Variants in RBFOX1 observed in about 807,000 individuals in gnomAD.
The protein encoded by RBFOX1 is RNA binding protein fox-1 homolog 1.
Under a neutral mutation model 57.7 loss-of-function variants are expected in RBFOX1, and 8 were observed. The observed-to-expected ratio is 0.14, with a 90% CI of 0.08 to 0.25. The LOEUF (loss-of-function observed/expected upper bound fraction) is 0.25. Ranked by LOEUF, RBFOX1 falls within the 10% of genes least tolerant of loss-of-function variation. The pLI is 1.00. For synonymous variants in RBFOX1, 326 were observed against 222.4 expected (o/e 1.47, Z -4.15); for missense variants, 611 against 548.5 (o/e 1.11, Z -1.14).
intron 3 of RBFOX1, among the ~76,000 whole-genome samples, chr16:6,831,039 C>T (rs969422138): frequency 1.3e-5 from 2 of 152,198 alleles, no homozygotes; most frequent in Admixed American, 6.5e-5. Context: ...CAATTGATCT[C>T]ACTCTTTTTG....
chr16:7,559,100 C>T (rs2089626539), intron 5 of RBFOX1, among the ~76,000 whole-genome samples: 1 of 152,140 alleles, frequency 6.6e-6, no homozygotes, highest in Non-Finnish European at 1.5e-5. Flanking sequence ...GGTTCAGAGG[C>T]CTTTCCTGAA....
At chr16:6,136,712 A>G (rs2096670010) in intron 1 of RBFOX1, among the ~76,000 whole-genome samples, 2 of 152,218 alleles carry the variant, frequency 1.3e-5, no homozygotes, top group African/African-American at 4.8e-5. Context: ...ATTTCTCTTC[A>G]AAATTCTTCT....
intron 3 of RBFOX1, among the ~76,000 whole-genome samples, chr16:6,843,036 G>A (rs1418387782): frequency 6.6e-6 from 1 of 152,142 alleles, no homozygotes; most frequent in African/African-American, 2.4e-5. Context: ...ATTCCATGGT[G>A]TGTATGTGCC....
chr16:6,286,342 A>T (rs1246217019), intron 1 of RBFOX1, among the ~76,000 whole-genome samples: 1 of 150,494 alleles, frequency 6.6e-6, no homozygotes, highest in East Asian at 1.9e-4. Flanking sequence ...GAGTTCAGAA[A>T]TCTTGACTCA....
chr16:6,568,831 C>T (rs571863624), intron 2 of RBFOX1, among the ~76,000 whole-genome samples: 2 of 152,046 alleles, frequency 1.3e-5, no homozygotes, highest in African/African-American at 2.4e-5. Flanking sequence ...TGCAGTGGCG[C>T]GATCTCGGCT....
chr16:5,808,861 G>A (rs1376513044), intron 3 of RBFOX1, among the ~76,000 whole-genome samples: 1 of 152,158 alleles, frequency 6.6e-6, no homozygotes, highest in Non-Finnish European at 1.5e-5. Context: ...CATGTCATGT[G>A]CAAACAGGGA....
intron 1 of RBFOX1, among the ~76,000 whole-genome samples, chr16:5,362,552 G>A (rs989721126): frequency 3.9e-5 from 6 of 152,090 alleles, no homozygotes; most frequent in Non-Finnish European, 8.8e-5. Flanking sequence ...AGTAGAGACG[G>A]GGTTTCTCCA....
intron 3 of RBFOX1, among the ~76,000 whole-genome samples, chr16:5,636,555 T>A (rs1277168714): frequency 6.6e-6 from 1 of 151,964 alleles, no homozygotes; most frequent in Non-Finnish European, 1.5e-5. Flanking sequence ...AGGGTTGTCA[T>A]GTTTTTCTGA....
chr16:5,856,080 T>G (rs2057021959), intron 3 of RBFOX1, among the ~76,000 whole-genome samples: 3 of 144,496 alleles, frequency 2.1e-5, no homozygotes, highest in Non-Finnish European at 4.5e-5. Context: ...TTTTTGTATG[T>G]GGATTTTGTA....
intron 2 of RBFOX1, among the ~76,000 whole-genome samples, chr16:6,463,398 T>C (rs1325749901): frequency 6.6e-6 from 1 of 152,186 alleles, no homozygotes; most frequent in Non-Finnish European, 1.5e-5. Flanking sequence ...TAATATATTT[T>C]AGCCTTGGCA....
At chr16:5,416,767 A>G (rs1410203436) in intron 1 of RBFOX1, among the ~76,000 whole-genome samples, 1 of 151,250 alleles carries the variant, frequency 6.6e-6, no homozygotes, top group Non-Finnish European at 1.5e-5. Context: ...CCCTTGTCTC[A>G]TTCATGCAGA....
intron 15 of RBFOX1, chr16:7,710,043 C>A: frequency 2.0e-6 from 2 of 1,003,020 alleles, no homozygotes; most frequent in Non-Finnish European, 2.4e-6. Flanking sequence ...GGACAGTTCA[C>A]TGAAGCTCAG....
At chr16:5,872,131 C>G (rs1333597501) in intron 4 of RBFOX1, among the ~76,000 whole-genome samples, 2 of 152,168 alleles carry the variant, frequency 1.3e-5, no homozygotes, top group South Asian at 2.1e-4. Context: ...CTAAAAGACA[C>G]CAGTGCGTTT....
At chr16:6,962,435 C>G (rs531451891) in intron 3 of RBFOX1, among the ~76,000 whole-genome samples, 3 of 152,144 alleles carry the variant, frequency 2.0e-5, no homozygotes, top group Admixed American at 1.3e-4. Flanking sequence ...GCAACTTTTT[C>G]TGTTACATAT....
At chr16:5,272,684 A>G (rs908296333) in intron 1 of RBFOX1, among the ~76,000 whole-genome samples, 1 of 152,190 alleles carries the variant, frequency 6.6e-6, no homozygotes, top group African/African-American at 2.4e-5. Context: ...GGCCATGGAA[A>G]GGTTCCCATG....
intron 3 of RBFOX1, among the ~76,000 whole-genome samples, chr16:6,788,319 C>T (rs891066815): frequency 6.6e-6 from 1 of 152,062 alleles, no homozygotes; most frequent in Admixed American, 6.6e-5. Flanking sequence ...CCAGCATCTG[C>T]AGAGTATTTT....
At chr16:7,685,013 C>T (rs961753221) in intron 14 of RBFOX1, among the ~76,000 whole-genome samples, 3 of 152,042 alleles carry the variant, frequency 2.0e-5, no homozygotes, top group Non-Finnish European at 2.9e-5. Flanking sequence ...GCCTGCAGAG[C>T]CTTGCCTTGT....
chr16:6,444,820 A>G (rs1341017353), intron 2 of RBFOX1, among the ~76,000 whole-genome samples: 1 of 152,156 alleles, frequency 6.6e-6, no homozygotes, highest in Non-Finnish European at 1.5e-5. Context: ...AAATGCAGAG[A>G]TGACCTTCTG....
chr16:6,921,124 C>G (rs961288847), intron 3 of RBFOX1, among the ~76,000 whole-genome samples: 1 of 152,178 alleles, frequency 6.6e-6, no homozygotes, highest in Admixed American at 6.5e-5. Context: ...GTTTCCTAAA[C>G]TCCCCCAGGC....
Sources: allele counts gnomAD v4.1 joint callset (sites outside exome capture counted in the v4.1 genomes callset), GRCh38; gene constraint gnomAD v4.1.1; transcripts MANE v1.5; gene names NCBI Gene and HGNC (gene_info 2026-07-23, HGNC 2026-07-21).